Variants in NGLY1 observed in about 807,000 individuals in gnomAD.
NGLY1 encodes peptide-N(4)-(N-acetyl-beta-glucosaminyl)asparagine amidase.
In NGLY1, 68 loss-of-function variants were observed where a neutral mutation model predicts 84.6. The ratio of observed to expected loss-of-function variants is 0.80; its 90% CI spans 0.66 to 0.98. NGLY1 has a LOEUF of 0.98. Ranked by LOEUF, NGLY1 falls within the 50% of genes least tolerant of loss-of-function variation. The probability of loss-of-function intolerance (pLI) is 0.00; values close to 1 mark genes in which losing one functional copy is unlikely to be tolerated. For synonymous variants in NGLY1, 280 were observed against 275.2 expected, an observed-to-expected ratio of 1.02 and a Z score of -0.17; for missense variants, 779 against 770.2, an observed-to-expected ratio of 1.01 and a Z score of -0.14.
At chr3:25,755,562 A>G in intron 3 of NGLY1, 1 of 1,434,156 alleles carries the variant, frequency 7.0e-7, no homozygotes, top group Non-Finnish European at 9.8e-7. Context: ...TCCCTCAATG[A>G]TTGGGCCCAA....
At chr3:25,733,685 G>T (rs903810268) in intron 8 of NGLY1, among the ~76,000 whole-genome samples, 187 bp downstream of exon 8, 3 of 152,008 alleles carry the variant, frequency 2.0e-5, no homozygotes, top group African/African-American at 7.3e-5. Flanking sequence ...TATTTAAAAT[G>T]AGTCCGCAAA....
At chr3:25,770,758 C>T (rs1323050190) in intron 2 of NGLY1, among the ~76,000 whole-genome samples, 1 of 152,112 alleles carries the variant, frequency 6.6e-6, no homozygotes, top group Non-Finnish European at 1.5e-5. Flanking sequence ...ATTCTTGCAG[C>T]AGTAAGGTGT....
chr3:25,758,578 A>AAAAT (rs1360590139), intron 3 of NGLY1, among the ~76,000 whole-genome samples: 3 of 152,202 alleles, frequency 2.0e-5, no homozygotes, highest in South Asian at 2.1e-4. Context: ...ACCCTGTCTC[A>AAAAT]AAATAAATAA....
chr3:25,783,114 G>A lies in NGLY1; in HGVS notation c.131+146C>T. 1 of 701,598 alleles carries A rather than the reference G, an allele frequency of 1.4e-6. No homozygotes were observed. The highest frequency in any genetic ancestry group is 3.4e-5 in the East Asian group (1 of 29,680). 43.5% of individuals were successfully genotyped at this position (701,598 alleles called of 1,614,324 possible). On this transcript the variant is annotated intron_variant, in intron 1 of 11. Coordinates refer to ENST00000280700, the MANE Select transcript of NGLY1 (RefSeq NM_018297.4). This position sits in a 1 kb window ranked among gnomAD's most constrained non-coding sequence, Gnocchi z 4.5. ...AGGCCCCTGGCCGGCGGGCTCGGAC[G>A]TTAGGAGCAGAACCAGCTCCAGGTC...
upstream of NGLY1, among the ~76,000 whole-genome samples, chr3:25,783,848 T>G (rs1255455705): frequency 6.6e-6 from 1 of 151,248 alleles, no homozygotes; most frequent in Non-Finnish European, 1.5e-5. The surrounding 1 kb of genome is among the most constrained non-coding windows in gnomAD (Gnocchi z 4.5). Context: ...AGGAGGGGGA[T>G]GTCGAGTCCT....
At chr3:25,773,713 G>GT (rs1708011294) in intron 2 of NGLY1, among the ~76,000 whole-genome samples, 1 of 152,102 alleles carries the variant, frequency 6.6e-6, no homozygotes, top group African/African-American at 2.4e-5. Context: ...TACCAGAATT[G>GT]TTTTTCTGGT....
chr3:25,749,459 G>C lies in NGLY1; in HGVS notation c.658+1639C>G, dbSNP rs552809563. 38 of 1,252,384 alleles carry C rather than the reference G, an allele frequency of 3.0e-5. No homozygotes were observed. The African/African-American group carries it at 5.4e-4, about 18-fold the overall frequency. 77.6% of individuals were successfully genotyped at this position (1,252,384 alleles called of 1,614,324 possible). On this transcript the variant is annotated intron_variant, in intron 4 of 11. Coordinates refer to ENST00000280700, the MANE Select transcript of NGLY1 (RefSeq NM_018297.4). ...TCTCTCCTCCTCAGCACTGCCTACA[G>C]AGGTGGCAGCCATCTCCTCTTCGGC...
intron 9 of NGLY1, 41 bp from the exon 10 acceptor site, chr3:25,729,359 G>A: frequency 5.7e-6 from 7 of 1,234,372 alleles, no homozygotes; most frequent in African/African-American, 1.6e-5. Flanking sequence ...CATTATGAAA[G>A]ATGTAAAAAA....
chr3:25,723,676 T>A (rs879778971), intron 10 of NGLY1, among the ~76,000 whole-genome samples: 10 of 151,832 alleles, frequency 6.6e-5, no homozygotes, highest in East Asian at 3.9e-4. Context: ...AGAAAAAAAA[T>A]TTTTTTTACA....
intron 1 of NGLY1, among the ~76,000 whole-genome samples, chr3:25,780,330 C>G (rs547931150): frequency 1.3e-5 from 2 of 152,256 alleles, no homozygotes; most frequent in Admixed American, 1.3e-4. Flanking sequence ...TTTCTTATCA[C>G]TTAAGAAAAC....
At chr3:25,766,237 T>C (rs1029626872) in intron 2 of NGLY1, among the ~76,000 whole-genome samples, 1 of 152,056 alleles carries the variant, frequency 6.6e-6, no homozygotes, top group African/African-American at 2.4e-5. Context: ...GGGTAATTTT[T>C]GTATTTTTTA....
Position 25,764,328 on chromosome 3 carries a change from TA to T in NGLY1, c.247-18del, listed in dbSNP as rs762803518. On this transcript the variant is annotated intron_variant, in intron 2 of 11. Transcript: ENST00000280700. ...TGTTTCTCCCTGGAATTTATAAAAT[TA>T]AAAAAAATGTGAACCTTTGCTTTAT... 4.4e-6 allele frequency: 7 copies of T among 1,598,856 alleles called. No individual in the cohort carries two copies. Among genetic ancestry groups the T allele is most frequent in the Non-Finnish European group, 5.1e-6 (6 of 1,174,570 alleles).
At chr3:25,737,242 A>C (rs781221012) in intron 6 of NGLY1, 92 bp downstream of exon 6, 341 of 1,153,440 alleles carry the variant, frequency 3.0e-4, no homozygotes, top group Non-Finnish European at 3.7e-4. Context: ...GACAAGGCCA[A>C]AAAGTAACAG....
upstream of NGLY1, chr3:25,784,008 A>T (rs769329712): frequency 6.6e-6 from 1 of 152,244 alleles, no homozygotes; most frequent in Admixed American, 6.5e-5. Context: ...GAGAAACCGC[A>T]TGTACCTCCC....
chr3:25,747,534 G>T (rs985531499), intron 4 of NGLY1, among the ~76,000 whole-genome samples: 1 of 152,190 alleles, frequency 6.6e-6, no homozygotes, highest in Non-Finnish European at 1.5e-5. Flanking sequence ...AATGACATTT[G>T]TGAAAATTGG....
intron 3 of NGLY1, 120 bp from the exon 4 acceptor site, chr3:25,751,383 A>T: frequency 1.3e-6 from 1 of 793,754 alleles, no homozygotes; most frequent in Non-Finnish European, 1.8e-6. Context: ...GATTCACTTA[A>T]ATATAATAAT....
chr3:25,762,189 T>C (rs778109451), intron 3 of NGLY1, among the ~76,000 whole-genome samples: 15 of 152,128 alleles, frequency 9.9e-5, no homozygotes, highest in East Asian at 1.9e-4. Flanking sequence ...CTAGGACTTA[T>C]CTAGTTTATA....
chr3:25,778,378 T>C, intron 2 of NGLY1, 196 bp downstream of exon 2: 2 of 422,984 alleles, frequency 4.7e-6, no homozygotes, highest in South Asian at 4.5e-5. Flanking sequence ...CTGTGGAGCG[T>C]TGTTACATTT....
At chr3:25,749,657 A>C in intron 4 of NGLY1, 1 of 1,501,588 alleles carries the variant, frequency 6.7e-7, no homozygotes, top group East Asian at 2.3e-5. Flanking sequence ...CTTGATGCCC[A>C]ACATTAGTTA....
Sources: gnomAD v4.1 joint callset for allele counts (sites outside exome capture counted in the v4.1 genomes callset) on GRCh38, gnomAD v4.1.1 for gene constraint, Gnocchi (gnomAD v3.1) non-coding constraint, MANE v1.5 for transcripts, NCBI Gene and HGNC (gene_info 2026-07-23, HGNC 2026-07-21) for gene names.